PLEKHG7: variants seen among roughly 807,000 people sequenced by gnomAD.
PLEKHG7 encodes pleckstrin homology and RhoGEF domain containing G7.
In PLEKHG7, 77 loss-of-function variants were observed where a neutral mutation model predicts 85.2. The observed-to-expected ratio is 0.90, with a 90% CI of 0.75 to 1.09. The LOEUF (loss-of-function observed/expected upper bound fraction) is 1.09. Ranked by LOEUF, PLEKHG7 falls within the 50% of genes least tolerant of loss-of-function variation. The pLI is 0.00. For missense variants in PLEKHG7, 777 were observed against 804.3 expected, an observed-to-expected ratio of 0.97 and a Z score of 0.41; for synonymous variants, 301 against 302.4, an observed-to-expected ratio of 1.00 and a Z score of 0.05.
chr12:92,736,651 C>A, intron 6 of PLEKHG7, 74 bp downstream of exon 6: 2 of 958,242 alleles, frequency 2.1e-6, no homozygotes, highest in South Asian at 1.1e-4. Context: ...AAGGTCGGGT[C>A]AGTATTTTAA....
chr12:92,718,135 A>G (rs1057093119), intron 3 of PLEKHG7, among the ~76,000 whole-genome samples: 1 of 152,226 alleles, frequency 6.6e-6, no homozygotes, highest in African/African-American at 2.4e-5. Flanking sequence ...TGTTAACTGT[A>G]GAACATACTA....
intron 15 of PLEKHG7, among the ~76,000 whole-genome samples, chr12:92,768,076 C>T (rs1238881760): frequency 2.0e-5 from 3 of 151,898 alleles, no homozygotes; most frequent in South Asian, 2.1e-4. Flanking sequence ...GGCGTGGTGG[C>T]GGGCGCCTGT....
intron 13 of PLEKHG7, 59 bp downstream of exon 13, chr12:92,756,450 C>A: frequency 7.6e-7 from 1 of 1,322,562 alleles, no homozygotes; most frequent in Non-Finnish European, 1.1e-6. Flanking sequence ...ACTTGTTTGA[C>A]TGCCAGTAAT....
chr12:92,770,066 ATTTTTTTC>A lies in PLEKHG7; in HGVS notation c.1969-13_1969-6del. 1 of 1,463,708 alleles carries A rather than the reference ATTTTTTTC, an allele frequency of 6.8e-7. No individual in the cohort carries two copies. The highest frequency in any genetic ancestry group is 9.4e-7 in the Non-Finnish European group (1 of 1,064,348). The allele number at this position is 1,463,708 out of a possible 1,614,324, so 90.7% of individuals were successfully genotyped here. A position where few individuals can be genotyped will look rare whatever the true frequency, so the allele number is the denominator to read the frequency against. On this transcript the variant is annotated splice_polypyrimidine_tract_variant and intron_variant, in intron 16 of 16. Coordinates refer to ENST00000344636, the MANE Select transcript of PLEKHG7 (RefSeq NM_001377329.1). ...TTAACATTCTAATCTCTATTTATGT[ATTTTTTTC>A]TTTTTTTCAACAGAAAACATGGATG... is the stretch of plus-strand genomic sequence containing the variant.
chr12:92,753,542 T>C (rs999631817), intron 10 of PLEKHG7, among the ~76,000 whole-genome samples: 1 of 152,156 alleles, frequency 6.6e-6, no homozygotes, highest in Admixed American at 6.5e-5. Context: ...ACTCTCCCTA[T>C]TGAAAATTGT....
chr12:92,711,691 G>A (rs1871369903), intron 3 of PLEKHG7, among the ~76,000 whole-genome samples: 2 of 152,180 alleles, frequency 1.3e-5, no homozygotes, highest in Non-Finnish European at 1.5e-5. Flanking sequence ...TCTCTGCTGT[G>A]ATTCACCTAT....
chr12:92,741,726 C>G (rs1235704433), intron 9 of PLEKHG7, 134 bp downstream of exon 9: 5 of 491,866 alleles, frequency 1.0e-5, no homozygotes, highest in Non-Finnish European at 1.7e-5. Flanking sequence ...GGAACTGTCC[C>G]TTTCTCTGCC....
Position 92,770,139 on chromosome 12 carries a change from C to T in PLEKHG7, c.2020C>T (p.Gln674Ter). The part of the protein sequence containing the change: ...TTAISCFTKS[Q>*]ETKKISLFTL... ...TGCAATTTCTTGCTTTACCAAGAGT[C>T]AGGAAACCAAGAAAATATCTTTATT... is the stretch of plus-strand genomic sequence containing the variant. Residue 674 changes from glutamine (Q) to a stop codon, truncating the protein, a stop_gained, in exon 17 of 17, where the codon CAG (glutamine) becomes TAG (stop). Coordinates refer to ENST00000344636, the MANE Select transcript of PLEKHG7 (RefSeq NM_001377329.1). LOFTEE classifies it high-confidence loss of function. 2 of 1,608,206 alleles carry T rather than the reference C, an allele frequency of 1.2e-6. No homozygotes were observed. Among genetic ancestry groups the T allele is most frequent in the Non-Finnish European group, 8.5e-7 (1 of 1,178,108 alleles).
chr12:92,710,395 C>T (rs1339198137), intron 3 of PLEKHG7, among the ~76,000 whole-genome samples: 1 of 152,154 alleles, frequency 6.6e-6, no homozygotes, highest in Admixed American at 6.5e-5. Flanking sequence ...AGCATGAACC[C>T]ACTGTCGCAC....
chr12:92,769,469 T>TAGCTTA (rs1873335198), intron 16 of PLEKHG7, among the ~76,000 whole-genome samples: 1 of 152,164 alleles, frequency 6.6e-6, no homozygotes, highest in African/African-American at 2.4e-5. Context: ...GTGCATATAA[T>TAGCTTA]AGGATATTAG....
At position 92,712,642 on chromosome 12, in the gene PLEKHG7, T is replaced by C. The variant is rs969575426; in HGVS notation, c.530+4970T>C. ...ACAATCCCTCCAGGGATGCGATTTT[T>C]TTTTATTTACTATTTTTCTAGCTAG... On this transcript the variant is annotated intron_variant, in intron 3 of 16. Transcript: ENST00000344636. Among the ~76,000 whole-genome samples, 3 of 152,256 alleles carry C rather than the reference T, an allele frequency of 2.0e-5. No individual in the cohort carries two copies. The South Asian group carries it at 6.2e-4, about 32-fold the overall frequency.
intron 9 of PLEKHG7, among the ~76,000 whole-genome samples, chr12:92,744,656 C>CTTTT (rs869270724): frequency 7.2e-6 from 1 of 138,210 alleles, no homozygotes; most frequent in Admixed American, 7.3e-5. Context: ...TCCCAAATTT[C>CTTTT]TTTTTTTTTT....
chr12:92,758,364 G>A (rs562994029), intron 13 of PLEKHG7, among the ~76,000 whole-genome samples: 1 of 152,364 alleles, frequency 6.6e-6, no homozygotes, highest in South Asian at 2.1e-4. Flanking sequence ...GAGGAAATGA[G>A]TATCAAAAAC....
intron 3 of PLEKHG7, among the ~76,000 whole-genome samples, chr12:92,710,802 A>G (rs1054492639): frequency 6.6e-6 from 1 of 152,192 alleles, no homozygotes; most frequent in African/African-American, 2.4e-5. Context: ...TACTTTGTTC[A>G]TGGGCCCATC....
chr12:92,753,554 C>T (rs149357412), intron 10 of PLEKHG7, among the ~76,000 whole-genome samples: 5 of 152,258 alleles, frequency 3.3e-5, no homozygotes, highest in South Asian at 2.1e-4. Flanking sequence ...GAAAATTGTC[C>T]GCATCTCTAC....
At chr12:92,754,065 A>G in intron 10 of PLEKHG7, 25 bp from the exon 11 acceptor site, 1 of 1,608,024 alleles carries the variant, frequency 6.2e-7, no homozygotes, top group Non-Finnish European at 8.5e-7. Context: ...GATCATTCTG[A>G]TATGGCTGCT....
Position 92,722,196 on chromosome 12 carries a change from T to A in PLEKHG7, c.531-6797T>A, listed in dbSNP as rs185381460. 3.3e-5 allele frequency among the ~76,000 whole-genome samples: 5 copies of A among 152,114 alleles called. No individual in the cohort carries two copies. In the East Asian group the frequency reaches 9.7e-4, roughly 29 times the overall value. On this transcript the variant is annotated intron_variant, in intron 3 of 16. Transcript: ENST00000344636. The stretch of plus-strand genomic sequence containing the variant: ...CAGCTATTTGAGTTAATTTCATTCA[T>A]CCAACGATCCGAGCAACCCCAGCTG...
In PLEKHG7 at chr12:92,706,892, C is replaced by G; in HGVS notation, c.261C>G (p.Ser87Arg). 1.2e-6 allele frequency: 2 copies of G among 1,614,032 alleles called. No individual in the cohort carries two copies. The highest frequency in any genetic ancestry group is 1.7e-6 in the Non-Finnish European group (2 of 1,179,992). ...GCTTCCCATGTTACCTTTCGAAGAG[C>G]CTGCCAGGAAGCCCAAAGGATTCTT... The part of the protein sequence containing the change: ...PVGFPCYLSK[S>R]LPGSPKDSSH... Residue 87 changes from serine to arginine, a missense_variant, in exon 2 of 17, where the codon AGC becomes AGG. Transcript: ENST00000344636.
intron 10 of PLEKHG7, among the ~76,000 whole-genome samples, chr12:92,752,038 A>C (rs577797059): frequency 6.6e-6 from 1 of 151,938 alleles, no homozygotes; most frequent in South Asian, 2.1e-4. Flanking sequence ...AAAAAAAAAA[A>C]ACAGCTGATA....
Sources: gnomAD v4.1 joint callset for allele counts (sites outside exome capture counted in the v4.1 genomes callset) on GRCh38, gnomAD v4.1.1 for gene constraint, MANE v1.5 for transcripts, NCBI Gene and HGNC (gene_info 2026-07-23, HGNC 2026-07-21) for gene names.